The following GJC1 variants were observed in gnomAD, a reference collection of about 807,000 sequenced individuals.
GJC1 encodes gap junction gamma-1 protein.
In GJC1, 5 loss-of-function variants were observed where a neutral mutation model predicts 29.3. The observed-to-expected ratio is 0.17, with a 90% CI of 0.09 to 0.36. GJC1 has a LOEUF of 0.36. GJC1 is among the 10% of genes least tolerant of loss of function. The pLI, the probability that GJC1 is intolerant of heterozygous loss-of-function variation, is 1.00. For synonymous variants in GJC1, 177 were observed against 183.3 expected (o/e 0.97, Z 0.28); for missense variants, 310 against 496.2 (o/e 0.62, Z 3.56).
chr17:44,830,608 C>T (rs558752202), upstream of GJC1: 1 of 398,512 alleles, frequency 2.5e-6, no homozygotes, highest in African/African-American at 2.1e-5. This position sits in a 1 kb window ranked among gnomAD's most constrained non-coding sequence, Gnocchi z 4.3. Flanking sequence ...TTGAGCGGGC[C>T]GCTAACGGCG....
chr17:44,804,504 A>T lies in GJC1; in HGVS notation c.*123T>A. 1 of 783,130 alleles carries T rather than the reference A, an allele frequency of 1.3e-6. No homozygotes were observed. Among genetic ancestry groups the T allele is most frequent in the South Asian group, 1.8e-5 (1 of 56,296 alleles). The allele number at this position is 783,130 out of a possible 1,614,324, so 48.5% of individuals were successfully genotyped here. A position where few individuals can be genotyped will look rare whatever the true frequency, so the allele number is the denominator to read the frequency against. On this transcript the variant is annotated 3_prime_UTR_variant, in exon 3 of 3. Transcript: ENST00000592524. ...CGCCTCCAGAGTCCCCTGAGCTTGG[A>T]TCATGAGCCAACAGCATCCCTGAAG...
chr17:44,804,844 C>A lies in GJC1; in HGVS notation c.974G>T (p.Gly325Val). Residue 325 changes from glycine (G) to valine (V), a missense_variant, in exon 3 of 3, where the codon GGC becomes GTC. Gly to Val is a moderately radical substitution (Grantham distance 109, BLOSUM62 -3). Around this residue, in one of 4 missense-constraint regions of GJC1, gnomAD observed 146 missense variants for 165.0 expected, o/e 0.88. Coordinates refer to ENST00000592524, the MANE Select transcript of GJC1 (RefSeq NM_005497.4). Reference sequence around the variant, plus strand: ...AGCTGGGAGGTTCTCCTCATGGCTGCCATACTGCTGTTCCTGGGCTGTGTT... The same window carrying A: ...AGCTGGGAGGTTCTCCTCATGGCTGACATACTGCTGTTCCTGGGCTGTGTT... ...KANTAQEQQY[G>V]SHEENLPADL... is the part of the protein sequence containing the mutation. 1 of 1,614,118 alleles carries A rather than the reference C, an allele frequency of 6.2e-7. No individual in the cohort carries two copies. The highest frequency in any genetic ancestry group is 2.2e-5 in the East Asian group (1 of 44,888).
chr17:44,820,491 G>GTGGA (rs2050094930), intron 1 of GJC1, among the ~76,000 whole-genome samples: 1 of 152,152 alleles, frequency 6.6e-6, no homozygotes, highest in African/African-American at 2.4e-5. Context: ...GACAAATTAT[G>GTGGA]TGGAACTCAA....
chr17:44,821,164 G>A (rs1260079868), intron 1 of GJC1, among the ~76,000 whole-genome samples: 2 of 152,154 alleles, frequency 1.3e-5, no homozygotes, highest in African/African-American at 4.8e-5. Context: ...ACCAGCTGGA[G>A]AAGTATGAGG....
At chr17:44,818,760 A>C (rs1295123245) in intron 1 of GJC1, among the ~76,000 whole-genome samples, 2 of 151,854 alleles carry the variant, frequency 1.3e-5, no homozygotes, top group Non-Finnish European at 2.9e-5. Flanking sequence ...GTACCACTGC[A>C]CTCCAGCCTG....
At chr17:44,829,683 C>G (rs942778993) in intron 1 of GJC1, 2 of 152,022 alleles carry the variant, frequency 1.3e-5, no homozygotes, top group South Asian at 2.1e-4. Flanking sequence ...CCTAACCGCC[C>G]GGGTAGTTGT....
At chr17:44,825,154 G>C (rs2050158969) in intron 1 of GJC1, among the ~76,000 whole-genome samples, 1 of 122,880 alleles carries the variant, frequency 8.1e-6, no homozygotes, top group Non-Finnish European at 1.6e-5. Context: ...CTACACTTTA[G>C]CCTGGGCTAC....
At chr17:44,823,622 T>C (rs576750381) in intron 1 of GJC1, among the ~76,000 whole-genome samples, 8 of 152,086 alleles carry the variant, frequency 5.3e-5, no homozygotes, top group Non-Finnish European at 1.2e-4. Flanking sequence ...AGGTTGGTCT[T>C]GAACTCCTGG....
Position 44,804,824 on chromosome 17 carries a change from G to C in GJC1, c.994C>G (p.Pro332Ala). 1 of 1,614,172 alleles carries C rather than the reference G, an allele frequency of 6.2e-7. No individual in the cohort carries two copies. The highest frequency in any genetic ancestry group is 8.5e-7 in the Non-Finnish European group (1 of 1,180,036). The stretch of plus-strand genomic sequence containing the variant: ...CGCTGCAGAGCCTCCAGGTCAGCTG[G>C]GAGGTTCTCCTCATGGCTGCCATAC... ...QQYGSHEENL[P>A]ADLEALQREI... is the part of the protein sequence containing the mutation. Residue 332 changes from proline (P) to alanine (A), a missense_variant, in exon 3 of 3, where the codon CCA becomes GCA. Pro to Ala is a conservative substitution (Grantham distance 27, BLOSUM62 -1). Transcript: ENST00000592524.
At chr17:44,810,067 T>A (rs2145317631) in intron 1 of GJC1, among the ~76,000 whole-genome samples, 1 of 149,470 alleles carries the variant, frequency 6.7e-6, no homozygotes, top group South Asian at 2.1e-4. Flanking sequence ...TTTCACCATG[T>A]TAGCCAAGAT....
intron 1 of GJC1, among the ~76,000 whole-genome samples, chr17:44,809,571 CTTTT>C (rs113989364): frequency 7.1e-6 from 1 of 141,536 alleles, no homozygotes; most frequent in African/African-American, 2.6e-5. Flanking sequence ...AAATGTGTAT[CTTTT>C]TTTTTTTTTT....
At chr17:44,820,128 T>A (rs2050092077) in intron 1 of GJC1, among the ~76,000 whole-genome samples, 1 of 152,160 alleles carries the variant, frequency 6.6e-6, no homozygotes, top group Non-Finnish European at 1.5e-5. Context: ...AGTGGCTAAT[T>A]TTTTTACATT....
intron 1 of GJC1, among the ~76,000 whole-genome samples, chr17:44,825,190 A>C (rs1234940962): frequency 3.5e-5 from 3 of 86,696 alleles, no homozygotes; most frequent in Admixed American, 1.1e-4. Flanking sequence ...CTCAATTACA[A>C]AAAAAAAAAA....
At chr17:44,829,373 A>AACAC (rs143352608) in intron 1 of GJC1, 18 of 152,016 alleles carry the variant, frequency 1.2e-4, no homozygotes, top group African/African-American at 3.9e-4. Flanking sequence ...GACTTAAGGA[A>AACAC]ACACACACAC....
At chr17:44,814,959 T>A (rs566020305) in intron 1 of GJC1, among the ~76,000 whole-genome samples, 52 of 151,332 alleles carry the variant, frequency 3.4e-4, no homozygotes, top group Non-Finnish European at 6.6e-4. Flanking sequence ...AAAAAAAAAA[T>A]TTCAGGACAT....
At chr17:44,823,680 G>A (rs2050138322) in intron 1 of GJC1, among the ~76,000 whole-genome samples, 1 of 151,676 alleles carries the variant, frequency 6.6e-6, no homozygotes, top group Non-Finnish European at 1.5e-5. Context: ...TGTGATTACT[G>A]GTGTGAGGCA....
At chr17:44,822,643 CAAAAA>C (rs11423012) in intron 1 of GJC1, among the ~76,000 whole-genome samples, 2 of 80,236 alleles carry the variant, frequency 2.5e-5, no homozygotes, top group African/African-American at 5.0e-5. Flanking sequence ...AACTCCATCT[CAAAAA>C]AAAAAAAAAA....
At chr17:44,815,402 A>T (rs1386985736) in intron 1 of GJC1, among the ~76,000 whole-genome samples, 2 of 152,098 alleles carry the variant, frequency 1.3e-5, no homozygotes, top group African/African-American at 2.4e-5. Flanking sequence ...AAATTCTAGG[A>T]GGTGGTATTA....
chr17:44,815,162 T>C (rs183618102), intron 1 of GJC1, among the ~76,000 whole-genome samples: 47 of 152,178 alleles, frequency 3.1e-4, no homozygotes, highest in African/African-American at 1.1e-3. Flanking sequence ...CAATGTCTTT[T>C]GCTAATTAGT....
Sources: gnomAD v4.1 joint callset for allele counts (sites outside exome capture counted in the v4.1 genomes callset) on GRCh38, gnomAD v4.1.1 for gene constraint, gnomAD v4.1.1 regional missense constraint, Gnocchi (gnomAD v3.1) non-coding constraint, MANE v1.5 for transcripts, NCBI Gene and HGNC (gene_info 2026-07-23, HGNC 2026-07-21) for gene names.